CD86: variants seen among roughly 807,000 people sequenced by gnomAD.
CD86 encodes CD86 molecule.
A neutral mutation model predicts 32.1 loss-of-function variants in CD86; 11 were observed. The ratio of observed to expected loss-of-function variants is 0.34; its 90% confidence interval spans 0.22 to 0.57. The LOEUF (loss-of-function observed/expected upper bound fraction) is 0.57. Ranked by LOEUF, CD86 falls within the 20% of genes least tolerant of loss-of-function variation. The probability of loss-of-function intolerance (pLI) is 0.86; values close to 1 mark genes in which losing one functional copy is unlikely to be tolerated. For missense variants in CD86, 359 were observed against 398.4 expected (o/e 0.90, Z 0.84); for synonymous variants, 137 against 135.3 (o/e 1.01, Z -0.09).
intron 1 of CD86, among the ~76,000 whole-genome samples, chr3:122,063,094 A>G (rs374000551): frequency 2.0e-5 from 3 of 152,328 alleles, no homozygotes; most frequent in Non-Finnish European, 2.9e-5. Context: ...ATAAAATTCT[A>G]TTCTATAACT....
intron 2 of CD86, among the ~76,000 whole-genome samples, chr3:122,093,457 GA>G (rs1289514386): frequency 6.6e-6 from 1 of 152,178 alleles, no homozygotes; most frequent in African/African-American, 2.4e-5. Context: ...CACAAAACTA[GA>G]TAGCATAGCC....
intron 1 of CD86, among the ~76,000 whole-genome samples, chr3:122,067,427 T>A (rs1036681097): frequency 6.6e-6 from 1 of 152,160 alleles, no homozygotes; most frequent in Non-Finnish European, 1.5e-5. Context: ...CAGGGTGACA[T>A]AAACACAATA....
chr3:122,101,798 T>G (rs1186459092), intron 2 of CD86, among the ~76,000 whole-genome samples: 1 of 152,068 alleles, frequency 6.6e-6, no homozygotes, highest in Non-Finnish European at 1.5e-5. Flanking sequence ...GCAAAGAAGA[T>G]GCAGAAGCCT....
intron 5 of CD86, among the ~76,000 whole-genome samples, chr3:122,111,614 G>A (rs2073175228): frequency 6.6e-6 from 1 of 152,214 alleles, no homozygotes. Flanking sequence ...AGGAAGCCAT[G>A]AGCCAAGGAA....
intron 1 of CD86, among the ~76,000 whole-genome samples, chr3:122,066,709 T>C (rs1041601561): frequency 6.6e-6 from 1 of 152,162 alleles, no homozygotes. Flanking sequence ...CTTTAATAAA[T>C]AGATACTTAA....
chr3:122,103,866 GT>G lies in CD86; in HGVS notation c.400+20del. The G allele has an allele frequency of 6.3e-7, 1 of 1,585,006 alleles. No individual in the cohort carries two copies. Among genetic ancestry groups the G allele is most frequent in the East Asian group, 2.2e-5 (1 of 44,682 alleles). The stretch of plus-strand genomic sequence containing the variant: ...GTGCTTGGTATGTGGTCAATGGTGT[GT>G]GTTCAGATTCTTAGCCTTCTCAGAT... On this transcript the variant is annotated intron_variant, in intron 3 of 6. Transcript: ENST00000330540.
At chr3:122,086,043 C>T (rs2072712633) in intron 1 of CD86, among the ~76,000 whole-genome samples, 1 of 152,152 alleles carries the variant, frequency 6.6e-6, no homozygotes, top group African/African-American at 2.4e-5. Flanking sequence ...GACTACCTAC[C>T]ACCTTCCACA....
chr3:122,063,193 T>C (rs950820426), intron 1 of CD86, among the ~76,000 whole-genome samples: 1 of 152,194 alleles, frequency 6.6e-6, no homozygotes. Context: ...TGCTTTTCAT[T>C]TACAAAGATT....
At chr3:122,086,733 C>A (rs1049608760) in intron 1 of CD86, 10 of 401,262 alleles carry the variant, frequency 2.5e-5, no homozygotes, top group East Asian at 1.5e-4. Flanking sequence ...TACTTTGGGG[C>A]CCCTTCTTCT....
chr3:122,116,700 C>A (rs1316176488), intron 5 of CD86, among the ~76,000 whole-genome samples: 1 of 152,120 alleles, frequency 6.6e-6, no homozygotes, highest in Non-Finnish European at 1.5e-5. Context: ...TGAAATACTG[C>A]AAAGCTATAG....
chr3:122,106,436 T>C lies in CD86; in HGVS notation c.639T>C (p.Asn213=), dbSNP rs769409263. The C allele has an allele frequency of 6.2e-6, 10 of 1,614,004 alleles. No individual in the cohort carries two copies. The African/African-American group carries it at 8.0e-5, about 13-fold the overall frequency. ...LSVSFPDVTS[N]MTIFCILETD... is the part of the protein sequence containing the mutation. ...TTTCATTCCCTGATGTTACGAGCAA[T>C]ATGACCATCTTCTGTATTCTGGAAA... Residue 213 remains asparagine, a synonymous_variant, in exon 4 of 7, where the codon AAT becomes AAC. Transcript: ENST00000330540.
At chr3:122,089,204 T>C (rs2072773531) in intron 1 of CD86, among the ~76,000 whole-genome samples, 1 of 152,206 alleles carries the variant, frequency 6.6e-6, no homozygotes, top group Non-Finnish European at 1.5e-5. Context: ...TTAATAGGTA[T>C]AGAGGCTTAG....
intron 2 of CD86, among the ~76,000 whole-genome samples, chr3:122,094,285 G>A (rs2072873322): frequency 6.6e-6 from 1 of 152,228 alleles, no homozygotes; most frequent in East Asian, 1.9e-4. Context: ...GAGTTCAGGT[G>A]TCACTTTTGC....
At chr3:122,072,907 A>G (rs1576761935) in intron 1 of CD86, among the ~76,000 whole-genome samples, 2 of 152,004 alleles carry the variant, frequency 1.3e-5, no homozygotes, top group East Asian at 3.9e-4. Context: ...TGATTTTTGT[A>G]TAAGGTGTAA....
intron 2 of CD86, among the ~76,000 whole-genome samples, chr3:122,101,035 G>A (rs2072991340): frequency 1.3e-5 from 2 of 152,156 alleles, no homozygotes; most frequent in Non-Finnish European, 2.9e-5. Context: ...GAAGCCAGTG[G>A]TTGGTGAGGT....
intron 2 of CD86, among the ~76,000 whole-genome samples, chr3:122,102,611 G>T (rs1295263078): frequency 6.6e-6 from 1 of 151,876 alleles, no homozygotes; most frequent in African/African-American, 2.4e-5. Context: ...ATTGTCCAGG[G>T]TCAGTGCATA....
chr3:122,100,448 T>C (rs1196128447), intron 2 of CD86, among the ~76,000 whole-genome samples: 1 of 152,174 alleles, frequency 6.6e-6, no homozygotes, highest in Non-Finnish European at 1.5e-5. Context: ...TTGTAGTAAG[T>C]AATGGAATGA....
intron 1 of CD86, among the ~76,000 whole-genome samples, chr3:122,056,776 C>T (rs1014602465): frequency 2.0e-5 from 3 of 152,006 alleles, no homozygotes; most frequent in African/African-American, 7.2e-5. Context: ...CCTTTTGCTC[C>T]AGTGGAATTT....
At chr3:122,074,658 A>G (rs1576762866) in intron 1 of CD86, among the ~76,000 whole-genome samples, 1 of 152,168 alleles carries the variant, frequency 6.6e-6, no homozygotes, top group East Asian at 1.9e-4. Flanking sequence ...TGGCTCTGGC[A>G]CATGGAGTAG....
Sources: allele counts gnomAD v4.1 joint callset (sites outside exome capture counted in the v4.1 genomes callset), GRCh38; gene constraint gnomAD v4.1.1; transcripts MANE v1.5; gene names NCBI Gene and HGNC (gene_info 2026-07-23, HGNC 2026-07-21).